The following GPLD1 variants were observed in gnomAD, a reference collection of about 807,000 sequenced individuals.
GPLD1 encodes the protein phosphatidylinositol-glycan-specific phospholipase D.
GPLD1 carries 84 observed loss-of-function variants against 112.6 expected under a neutral mutation model. The observed-to-expected ratio is 0.75, with a 90% CI of 0.63 to 0.89. The LOEUF is 0.89. Among genes scored for constraint, GPLD1 ranks in the 40% least tolerant of loss-of-function variants. The pLI, the probability that GPLD1 is intolerant of heterozygous loss-of-function variation, is 0.00. For missense variants in GPLD1, 1,044 were observed against 1,051.5 expected, an observed-to-expected ratio of 0.99 and a Z score of 0.10; for synonymous variants, 386 against 403.8, an observed-to-expected ratio of 0.96 and a Z score of 0.53.
chr6:24,487,219 C>G (rs1764406459), intron 1 of GPLD1, among the ~76,000 whole-genome samples: 1 of 152,100 alleles, frequency 6.6e-6, no homozygotes, highest in Non-Finnish European at 1.5e-5. Flanking sequence ...TGAATGAAGC[C>G]ATTTCTAATT....
chr6:24,475,150 C>G lies in GPLD1; in HGVS notation c.412G>C (p.Glu138Gln). The change falls in exon 5 of 25, where the codon GAA becomes CAA. Residue 138 changes from glutamate (E) to glutamine (Q), a missense_variant. Physicochemically the swap from Glu to Gln is conservative, Grantham distance 29. Transcript: ENST00000230036. ...CCCATGGTCCTAAGGAATCCTTGTT[C>G]AAGGCCCAGACTATGCCAGCTGACA... ...ADVSWHSLGL[E>Q]QGFLRTMGAI... is the part of the protein sequence containing the mutation. The G allele has an allele frequency of 6.2e-7, 1 of 1,606,962 alleles. No individual in the cohort carries two copies. The highest frequency in any genetic ancestry group is 1.1e-5 in the South Asian group (1 of 90,948).
At chr6:24,455,763 T>A (rs1265081534) in intron 13 of GPLD1, among the ~76,000 whole-genome samples, 1 of 152,228 alleles carries the variant, frequency 6.6e-6, no homozygotes, top group African/African-American at 2.4e-5. Context: ...TTACAAAAAT[T>A]CCATGAAACA....
intron 20 of GPLD1, among the ~76,000 whole-genome samples, chr6:24,442,450 T>C (rs1305337765): frequency 5.3e-5 from 1 of 18,820 alleles, no homozygotes; most frequent in Non-Finnish European, 1.4e-4. Flanking sequence ...TTTTTTTTTT[T>C]TTTTTTTTTT....
chr6:24,436,495 T>C, intron 22 of GPLD1, 81 bp downstream of exon 22: 1 of 1,255,552 alleles, frequency 8.0e-7, no homozygotes, highest in East Asian at 2.3e-5. Flanking sequence ...GGTAAGCACT[T>C]TATAGTGGAC....
At chr6:24,453,351 T>C (rs1475747845) in intron 14 of GPLD1, among the ~76,000 whole-genome samples, 3 of 152,178 alleles carry the variant, frequency 2.0e-5, no homozygotes, top group Admixed American at 1.3e-4. Context: ...AATCTAAAAT[T>C]CTGGACGGAT....
At chr6:24,474,174 T>TACACACACACACACACAC (rs56324939) in intron 5 of GPLD1, among the ~76,000 whole-genome samples, 50 of 145,636 alleles carry the variant, frequency 3.4e-4, no homozygotes, top group African/African-American at 1.3e-3. Flanking sequence ...CACACCCACA[T>TACACACACACACACACAC]ACACACACAC....
chr6:24,436,694 G>GT lies in GPLD1; in HGVS notation c.2239dup (p.Thr747AsnfsTer16), dbSNP rs1581731254. 1 of 1,613,994 alleles carries GT rather than the reference G, an allele frequency of 6.2e-7. No individual in the cohort carries two copies. The highest frequency in any genetic ancestry group is 8.5e-7 in the Non-Finnish European group (1 of 1,179,970). ...GTCTTCTCCCCCAATCAGTCCAGAGGTTACATCTGCTATCCTCAGGGGGGC... is the reference window on the plus strand; with the variant it reads ...GTCTTCTCCCCCAATCAGTCCAGAGGTTTACATCTGCTATCCTCAGGGGGGC... On this transcript the variant is annotated frameshift_variant, in exon 22 of 25. Coordinates refer to ENST00000230036, the MANE Select transcript of GPLD1 (RefSeq NM_001503.4). LOFTEE classifies it high-confidence loss of function.
chr6:24,433,006 A>T (rs1387912007), intron 24 of GPLD1, among the ~76,000 whole-genome samples, 181 bp downstream of exon 24: 1 of 152,242 alleles, frequency 6.6e-6, no homozygotes, highest in Non-Finnish European at 1.5e-5. Flanking sequence ...TAAAATAGGA[A>T]GAGTAAAAAG....
intron 1 of GPLD1, among the ~76,000 whole-genome samples, chr6:24,488,839 C>G (rs1764469489): frequency 6.6e-6 from 1 of 152,252 alleles, no homozygotes; most frequent in African/African-American, 2.4e-5. Context: ...AGGTCGGTGG[C>G]ACTGGCTTGC....
At chr6:24,480,199 T>A (rs1345054141) in intron 2 of GPLD1, among the ~76,000 whole-genome samples, 1 of 152,222 alleles carries the variant, frequency 6.6e-6, no homozygotes, top group African/African-American at 2.4e-5. Flanking sequence ...GAGGCTAATT[T>A]AGAAACAGCA....
intron 24 of GPLD1, among the ~76,000 whole-genome samples, chr6:24,429,566 G>A (rs1762337977): frequency 6.6e-6 from 1 of 152,016 alleles, no homozygotes; most frequent in Admixed American, 6.6e-5. Context: ...CTTCTTTTTT[G>A]AAACAGAGTC....
upstream of GPLD1, among the ~76,000 whole-genome samples, chr6:24,490,323 T>A (rs970759997): frequency 6.6e-6 from 1 of 152,178 alleles, no homozygotes; most frequent in Non-Finnish European, 1.5e-5. Context: ...AAAATTAAGC[T>A]CTTCATGAAA....
chr6:24,450,015 C>T, intron 14 of GPLD1, 116 bp from the exon 15 acceptor site: 1 of 645,524 alleles, frequency 1.5e-6, no homozygotes, highest in Non-Finnish European at 2.7e-6. Context: ...CACCCAAAAG[C>T]CGAAGGTGCA....
intron 3 of GPLD1, among the ~76,000 whole-genome samples, chr6:24,478,448 G>C (rs1764093899): frequency 6.6e-6 from 1 of 151,928 alleles, no homozygotes; most frequent in Admixed American, 6.6e-5. Flanking sequence ...AATAGCAGAT[G>C]ACCCAAAACC....
At position 24,453,902 on chromosome 6, in the gene GPLD1, C is replaced by T. The variant is rs1763177663; in HGVS notation, c.1335+113G>A. 4.3e-6 allele frequency: 3 copies of T among 696,358 alleles called. No individual in the cohort carries two copies. In the Admixed American group the frequency reaches 7.4e-5, roughly 17 times the overall value. 43.1% of individuals were successfully genotyped at this position (696,358 alleles called of 1,614,324 possible). A position where few individuals can be genotyped will look rare whatever the true frequency, so the allele number is the denominator to read the frequency against. ...GTGCTTCACAAATGTACACCACCAG[C>T]TGTTTGTTACTGTAATTATTCTTGT... On this transcript the variant is annotated intron_variant, in intron 14 of 24. Transcript: ENST00000230036.
rs144002505 is a variant in GPLD1, at chr6:24,430,803, G to A, written c.2437-1685C>T. 9.3e-4 allele frequency among the ~76,000 whole-genome samples: 142 copies of A among 152,178 alleles called. 1 individual carries two copies. Among genetic ancestry groups the A allele is most frequent in the East Asian group, 6.6e-3 (34 of 5,174 alleles). Reference sequence around the variant, plus strand: ...TCTGATTTATCTTTACACCCAGAGCGTTCAATGCCCCCAAGCTCAGGTATG... The same window carrying A: ...TCTGATTTATCTTTACACCCAGAGCATTCAATGCCCCCAAGCTCAGGTATG... On this transcript the variant is annotated intron_variant, in intron 24 of 24. Transcript: ENST00000230036.
exon 1 of GPLD1, chr6:24,495,135 T>G: frequency 1.4e-6 from 2 of 1,404,542 alleles, no homozygotes; most frequent in Non-Finnish European, 1.8e-6. Context: ...GCTCCGCTGC[T>G]ACGCTGGGCG....
intron 6 of GPLD1, 57 bp downstream of exon 6, chr6:24,473,562 T>C (rs1581776797): frequency 9.8e-7 from 1 of 1,020,512 alleles, no homozygotes; most frequent in East Asian, 2.4e-5. Flanking sequence ...ACAGTAGTGA[T>C]GTCATTATAA....
chr6:24,449,363 G>GT (rs1763009297), intron 15 of GPLD1, among the ~76,000 whole-genome samples: 8 of 152,126 alleles, frequency 5.3e-5, no homozygotes, highest in Non-Finnish European at 1.0e-4. Context: ...CAAGCCCTGT[G>GT]GGCCAGGGTC....
Sources: allele counts gnomAD v4.1 joint callset (sites outside exome capture counted in the v4.1 genomes callset), GRCh38; gene constraint gnomAD v4.1.1; transcripts MANE v1.5; gene names NCBI Gene and HGNC (gene_info 2026-07-23, HGNC 2026-07-21).